Variants in SDK2 observed in about 807,000 individuals in gnomAD.
SDK2 encodes the protein protein sidekick-2.
In SDK2, 105 loss-of-function variants were observed where a neutral mutation model predicts 253.9. The ratio of observed to expected loss-of-function variants is 0.41; its 90% CI spans 0.35 to 0.49. The LOEUF is 0.49. Among genes scored for constraint, SDK2 ranks in the 20% least tolerant of loss-of-function variants. SDK2 has a pLI of 0.06. For missense variants in SDK2, 2,608 were observed against 3,003.0 expected (o/e 0.87, Z 3.07); for synonymous variants, 1,249 against 1,234.9 (o/e 1.01, Z -0.24).
chr17:73,361,977 T>C lies in SDK2; in HGVS notation c.5306-132A>G. The C allele has an allele frequency of 1.3e-6, 1 of 779,170 alleles. No individual in the cohort carries two copies. Among genetic ancestry groups the C allele is most frequent in the Non-Finnish European group, 2.0e-6 (1 of 501,522 alleles). The allele number at this position is 779,170 out of a possible 1,614,324, so 48.3% of individuals were successfully genotyped here. A position where few individuals can be genotyped will look rare whatever the true frequency, so the allele number is the denominator to read the frequency against. ...GGGGCCTCACTCCTTGAGGTCAGGC[T>C]GAAATGCACCCCCAGCCCACACAAC... is the stretch of plus-strand genomic sequence containing the variant. On this transcript the variant is annotated intron_variant, in intron 38 of 44. Transcript: ENST00000392650. The surrounding 1 kb of genome is among the most constrained non-coding windows in gnomAD (Gnocchi z 4.1).
rs187738943 is a variant in SDK2 at position 73,459,232 on chromosome 17, G to C, written c.332-3179C>G. Among the ~76,000 whole-genome samples the C allele has an allele frequency of 6.2e-4, 94 of 152,212 alleles. 1 individual carries two copies. In the Middle Eastern group the frequency reaches 0.02, roughly 33 times the overall value. ...CTTACTCCAGCTGCACAGACCCTGG[G>C]ATATGCCTCCCAACTCCAGATCCCC... On this transcript the variant is annotated intron_variant, in intron 3 of 44. Coordinates refer to ENST00000392650, the MANE Select transcript of SDK2 (RefSeq NM_001144952.2).
At chr17:73,399,755 G>T (rs535179511) in intron 21 of SDK2, among the ~76,000 whole-genome samples, 42 of 152,302 alleles carry the variant, frequency 2.8e-4, no homozygotes, top group Non-Finnish European at 4.9e-4. Context: ...GGGACAGGGG[G>T]AAGCTTATTT....
chr17:73,582,035 C>T (rs908869923), intron 1 of SDK2, among the ~76,000 whole-genome samples: 8 of 152,146 alleles, frequency 5.3e-5, no homozygotes, highest in Admixed American at 2.6e-4. Flanking sequence ...TGGAGAGGCC[C>T]TCTCGTATCT....
In SDK2 at chr17:73,584,132, C is replaced by T. The variant is rs191410696; in HGVS notation, c.64+59893G>A. On this transcript the variant is annotated intron_variant, in intron 1 of 44. Coordinates refer to ENST00000392650, the MANE Select transcript of SDK2 (RefSeq NM_001144952.2). ...GCTCCCTGCCCAGTGGGCACCCAGGCAGGCAAAACACCTCCCAGCTGTGTC... is the reference window on the plus strand; with the variant it reads ...GCTCCCTGCCCAGTGGGCACCCAGGTAGGCAAAACACCTCCCAGCTGTGTC... Among the ~76,000 whole-genome samples the T allele has an allele frequency of 9.2e-5, 14 of 152,348 alleles. No individual in the cohort carries two copies. The East Asian group carries it at 2.7e-3, about 29-fold the overall frequency.
intron 3 of SDK2, among the ~76,000 whole-genome samples, chr17:73,460,389 G>A (rs774711273): frequency 2.6e-5 from 4 of 152,206 alleles, no homozygotes; most frequent in Non-Finnish European, 5.9e-5. Flanking sequence ...TCCCAGGATA[G>A]AGTCAAGCTG....
chr17:73,384,801 G>A (rs956224117), intron 32 of SDK2, among the ~76,000 whole-genome samples: 7 of 152,136 alleles, frequency 4.6e-5, no homozygotes, highest in Admixed American at 2.0e-4. Flanking sequence ...GGGCAACAGC[G>A]CAAGACTGTG....
At chr17:73,499,544 G>A (rs951864689) in intron 2 of SDK2, among the ~76,000 whole-genome samples, 17 of 152,250 alleles carry the variant, frequency 1.1e-4, no homozygotes, top group Non-Finnish European at 1.6e-4. Flanking sequence ...TCGGAAGGGG[G>A]TCCTGCCTTC....
At chr17:73,564,832 AAC>A (rs374020728) in intron 1 of SDK2, among the ~76,000 whole-genome samples, 17,722 of 132,572 alleles carry the variant, frequency 0.13, 1,147 homozygotes, top group Middle Eastern at 0.19. Flanking sequence ...CTGAAAAAAA[AAC>A]AAAAAACAAA....
intron 1 of SDK2, among the ~76,000 whole-genome samples, chr17:73,632,233 G>A (rs2046279894): frequency 6.6e-6 from 1 of 152,222 alleles, no homozygotes; most frequent in Non-Finnish European, 1.5e-5. Flanking sequence ...TGTTGCCAAA[G>A]GAGAGTAACA....
chr17:73,631,699 C>G (rs1266163964), intron 1 of SDK2, among the ~76,000 whole-genome samples: 1 of 152,172 alleles, frequency 6.6e-6, no homozygotes, highest in Non-Finnish European at 1.5e-5. Flanking sequence ...CTTAGTGATG[C>G]ATGGGGAAGG....
intron 1 of SDK2, among the ~76,000 whole-genome samples, chr17:73,598,326 T>C (rs2045789142): frequency 6.6e-6 from 1 of 152,138 alleles, no homozygotes; most frequent in Non-Finnish European, 1.5e-5. Flanking sequence ...GGTCGCTGGG[T>C]CATTGGCCGA....
Position 73,468,341 on chromosome 17 carries a change from G to C in SDK2, c.331+3771C>G, listed in dbSNP as rs144547347. Among the ~76,000 whole-genome samples, 514 of 152,286 alleles carry C rather than the reference G, an allele frequency of 3.4e-3. 10 individuals are homozygous for C. Among genetic ancestry groups the C allele is most frequent in the African/African-American group, 0.012 (490 of 41,552 alleles). Reference sequence around the variant, plus strand: ...GACGCTTTGGCACATATGAGCTCAAGAAATCCTTCCAACGAGCCTAGGAGG... The same window carrying C: ...GACGCTTTGGCACATATGAGCTCAACAAATCCTTCCAACGAGCCTAGGAGG... On this transcript the variant is annotated intron_variant, in intron 3 of 44. Transcript: ENST00000392650.
intron 1 of SDK2, among the ~76,000 whole-genome samples, chr17:73,589,820 G>A (rs746585982): frequency 6.6e-6 from 1 of 152,256 alleles, no homozygotes. Flanking sequence ...GAGCCACTGC[G>A]GATTAGCAGG....
At chr17:73,340,644 A>G (rs1290082111) in intron 44 of SDK2, among the ~76,000 whole-genome samples, 1 of 152,018 alleles carries the variant, frequency 6.6e-6, no homozygotes, top group Non-Finnish European at 1.5e-5. Context: ...TCCACGTGTG[A>G]TCCAACATAA....
At chr17:73,595,865 C>G (rs2045750796) in intron 1 of SDK2, among the ~76,000 whole-genome samples, 1 of 152,200 alleles carries the variant, frequency 6.6e-6, no homozygotes, top group African/African-American at 2.4e-5. Flanking sequence ...GGAGGACAGG[C>G]TCCATCCTGT....
In SDK2 at chr17:73,386,233, C is replaced by T. The variant is rs73999026; in HGVS notation, c.4498+212G>A. On this transcript the variant is annotated intron_variant, in intron 31 of 44. Coordinates refer to ENST00000392650, the MANE Select transcript of SDK2 (RefSeq NM_001144952.2). ...GGCAGCTTGTGGGACAGGAGGAATA[C>T]GCCACAGGCCAGGCTGGGCCTGGGA... 1.4e-3 allele frequency among the ~76,000 whole-genome samples: 210 copies of T among 152,314 alleles called. 1 individual carries two copies. Among genetic ancestry groups the T allele is most frequent in the South Asian group, 8.5e-3 (41 of 4,828 alleles).
chr17:73,500,049 A>G (rs12603099), intron 2 of SDK2, among the ~76,000 whole-genome samples: 108,325 of 151,456 alleles, frequency 0.72, 38,852 homozygotes, highest in East Asian at 0.76. Flanking sequence ...CCCAAGGATG[A>G]GTGGCAGGGT....
chr17:73,588,384 T>A (rs1163960401), intron 1 of SDK2, among the ~76,000 whole-genome samples: 1 of 79,954 alleles, frequency 1.3e-5, no homozygotes, highest in South Asian at 4.4e-4. Flanking sequence ...CGAAACTCCA[T>A]CTCAAAAAAA....
intron 27 of SDK2, among the ~76,000 whole-genome samples, 192 bp from the exon 28 acceptor site, chr17:73,391,730 C>A (rs2062930028): frequency 1.3e-5 from 2 of 152,240 alleles, no homozygotes; most frequent in South Asian, 4.1e-4. Flanking sequence ...ACCAAGGGGG[C>A]TTTCTGCCCT....
Sources: gnomAD v4.1 joint callset for allele counts (sites outside exome capture counted in the v4.1 genomes callset) on GRCh38, gnomAD v4.1.1 for gene constraint, Gnocchi (gnomAD v3.1) non-coding constraint, MANE v1.5 for transcripts, NCBI Gene and HGNC (gene_info 2026-07-23, HGNC 2026-07-21) for gene names.